Variants in B3GLCT observed in about 807,000 individuals in gnomAD.
B3GLCT encodes the protein beta-1,3-glucosyltransferase.
In B3GLCT, 65 loss-of-function variants were observed where a neutral mutation model predicts 63.4. That is an observed-to-expected ratio of 1.03 (90% CI 0.84 to 1.26). B3GLCT has a LOEUF of 1.26. Ranked by LOEUF, B3GLCT falls within the 50% of genes most tolerant of loss-of-function variation. B3GLCT has a pLI of 0.00. For missense variants in B3GLCT, 577 were observed against 604.8 expected (o/e 0.95, Z 0.48); for synonymous variants, 233 against 219.2 (o/e 1.06, Z -0.55).
intron 14 of B3GLCT, among the ~76,000 whole-genome samples, chr13:31,326,741 A>G (rs893429316): frequency 4.6e-5 from 7 of 152,178 alleles, no homozygotes; most frequent in African/African-American, 1.7e-4. Flanking sequence ...TAGAGGCTGC[A>G]TAGAGTTCTT....
At chr13:31,285,601 G>T (rs1290437000) in intron 11 of B3GLCT, among the ~76,000 whole-genome samples, 4 of 55,228 alleles carry the variant, frequency 7.2e-5, no homozygotes, top group South Asian at 8.6e-4. Context: ...GCCCTTTTAT[G>T]AGTAAAAAAA....
At chr13:31,219,530 G>A (rs1335411410) in intron 2 of B3GLCT, among the ~76,000 whole-genome samples, 2 of 152,140 alleles carry the variant, frequency 1.3e-5, no homozygotes, top group Non-Finnish European at 2.9e-5. Context: ...CTGAATGACA[G>A]GCATAAGGTT....
At chr13:31,200,730 A>G (rs1384493401) in intron 1 of B3GLCT, among the ~76,000 whole-genome samples, 2 of 151,882 alleles carry the variant, frequency 1.3e-5, no homozygotes, top group Non-Finnish European at 2.9e-5. Context: ...GGCCTTCGGG[A>G]CGTGCCCTGG....
chr13:31,294,633 C>A (rs1873841192), intron 12 of B3GLCT, among the ~76,000 whole-genome samples: 1 of 152,182 alleles, frequency 6.6e-6, no homozygotes, highest in South Asian at 2.1e-4. Flanking sequence ...TCACAAAGTT[C>A]TCATGCTGTG....
rs1243220241 is a variant in B3GLCT at position 31,329,813 on chromosome 13, T to C, written c.*145T>C. 1.1e-6 allele frequency: 1 copy of C among 886,600 alleles called. No homozygotes were observed. Among genetic ancestry groups the C allele is most frequent in the Non-Finnish European group, 1.8e-6 (1 of 568,262 alleles). The allele number at this position is 886,600 out of a possible 1,614,324, so 54.9% of individuals were successfully genotyped here. The stretch of plus-strand genomic sequence containing the variant: ...TTAGGGGGAGATTTTATGTATGGTA[T>C]TTTTTGACAGAGGAAGAAAAGGGGT... On this transcript the variant is annotated 3_prime_UTR_variant, in exon 15 of 15. Transcript: ENST00000343307.
chr13:31,274,753 G>T (rs1325116597), intron 9 of B3GLCT, 125 bp downstream of exon 9: 2 of 1,238,354 alleles, frequency 1.6e-6, no homozygotes, highest in Non-Finnish European at 2.3e-6. Context: ...TTGGTTATAA[G>T]GGTATATTGT....
At chr13:31,274,666 G>T (rs1872703746) in intron 9 of B3GLCT, 38 bp downstream of exon 9, 1 of 1,610,244 alleles carries the variant, frequency 6.2e-7, no homozygotes. Flanking sequence ...CATATCAAAG[G>T]AAAAATTTAG....
chr13:31,237,656 A>G (rs1489161989), intron 4 of B3GLCT, among the ~76,000 whole-genome samples: 1 of 152,090 alleles, frequency 6.6e-6, no homozygotes, highest in South Asian at 2.1e-4. Context: ...TGCCCCGTCT[A>G]CTGGAGGCTG....
intron 7 of B3GLCT, among the ~76,000 whole-genome samples, chr13:31,262,950 A>G (rs1872111855): frequency 6.6e-6 from 1 of 152,028 alleles, no homozygotes; most frequent in South Asian, 2.1e-4. Context: ...TTTCTCTCCC[A>G]TTTCCCATGT....
chr13:31,251,831 A>G (rs1419396507), intron 6 of B3GLCT, among the ~76,000 whole-genome samples: 1 of 152,214 alleles, frequency 6.6e-6, no homozygotes, highest in African/African-American at 2.4e-5. Context: ...CAACGTAGCA[A>G]AGCAGGTCAA....
intron 1 of B3GLCT, among the ~76,000 whole-genome samples, chr13:31,211,679 G>A (rs1203618117): frequency 6.6e-6 from 1 of 151,390 alleles, no homozygotes; most frequent in African/African-American, 2.4e-5. Flanking sequence ...GTTAAGCTTT[G>A]TCTGGCTAAA....
At chr13:31,264,371 G>A (rs1275207108) in intron 7 of B3GLCT, among the ~76,000 whole-genome samples, 2 of 152,104 alleles carry the variant, frequency 1.3e-5, no homozygotes, top group Non-Finnish European at 2.9e-5. Context: ...TCTGCATGGT[G>A]TGTCATCTGC....
At chr13:31,237,436 C>T (rs1870714831) in intron 4 of B3GLCT, among the ~76,000 whole-genome samples, 1 of 150,270 alleles carries the variant, frequency 6.7e-6, no homozygotes, top group Non-Finnish European at 1.5e-5. Flanking sequence ...TCACTGCAAC[C>T]TCTGCCTTCT....
intron 1 of B3GLCT, among the ~76,000 whole-genome samples, chr13:31,206,522 C>T (rs1342688415): frequency 2.7e-5 from 4 of 146,624 alleles, no homozygotes; most frequent in African/African-American, 2.6e-5. Flanking sequence ...GGGCGGATCA[C>T]GAGGTCAGGG....
intron 13 of B3GLCT, among the ~76,000 whole-genome samples, chr13:31,319,324 C>G (rs926407631): frequency 6.6e-6 from 1 of 152,104 alleles, no homozygotes; most frequent in Non-Finnish European, 1.5e-5. Flanking sequence ...TCCTACCCTG[C>G]GGAACATCTT....
rs1593239061 is a variant in B3GLCT at position 31,200,329 on chromosome 13, C to G, written c.70+175C>G. The stretch of plus-strand genomic sequence containing the variant: ...CCGCGCCGTCAGCAGCGCCCTCTCG[C>G]GGCGCCCAGGTGGGACCCGGGCCCG... On this transcript the variant is annotated intron_variant, in intron 1 of 14. Transcript: ENST00000343307. 2.7e-5 allele frequency among the ~76,000 whole-genome samples: 4 copies of G among 148,634 alleles called. No individual in the cohort carries two copies. The East Asian group carries it at 7.9e-4, about 29-fold the overall frequency.
intron 10 of B3GLCT, among the ~76,000 whole-genome samples, chr13:31,280,924 T>G (rs930739544): frequency 3.3e-5 from 5 of 152,210 alleles, no homozygotes; most frequent in Admixed American, 3.3e-4. Context: ...AACTGTTACA[T>G]AAGGTGATGA....
At chr13:31,221,149 GTTATCTCAT>G in intron 2 of B3GLCT, among the ~76,000 whole-genome samples, 1 of 152,324 alleles carries the variant, frequency 6.6e-6, no homozygotes, top group Admixed American at 6.5e-5. Context: ...CTGAGCCTCT[GTTATCTCAT>G]TTGCAAAAGG....
chr13:31,244,765 A>G (rs918555914), intron 4 of B3GLCT, among the ~76,000 whole-genome samples: 1 of 152,092 alleles, frequency 6.6e-6, no homozygotes, highest in Non-Finnish European at 1.5e-5. Context: ...ATATGTGTGT[A>G]TATGTATATG....
Sources: gnomAD v4.1 joint callset for allele counts (sites outside exome capture counted in the v4.1 genomes callset) on GRCh38, gnomAD v4.1.1 for gene constraint, MANE v1.5 for transcripts, NCBI Gene and HGNC (gene_info 2026-07-23, HGNC 2026-07-21) for gene names.